Variants in BRWD3 observed in about 807,000 individuals in gnomAD.
The protein encoded by BRWD3 is bromodomain and WD repeat-containing protein 3.
A neutral mutation model predicts 149.7 loss-of-function variants in BRWD3; 10 were observed. The observed-to-expected ratio is 0.07, with a 90% CI of 0.04 to 0.11. BRWD3 has a LOEUF of 0.11. Ranked by LOEUF, BRWD3 falls within the 10% of genes least tolerant of loss-of-function variation. BRWD3 has a pLI of 1.00. For synonymous variants in BRWD3, 504 were observed against 456.7 expected, an observed-to-expected ratio of 1.10 and a Z score of -1.32; for missense variants, 940 against 1,373.2, an observed-to-expected ratio of 0.68 and a Z score of 4.99.
At chrX:80,745,519 C>T in intron 7 of BRWD3, 50 bp downstream of exon 7, 1 of 1,128,835 alleles carries the variant, frequency 8.9e-7, no homozygotes, top group Non-Finnish European at 1.2e-6. Flanking sequence ...AGTCTGGCTT[C>T]AATTGTTGTA....
chrX:80,711,231 G>A (rs2072962609), intron 20 of BRWD3, among the ~76,000 whole-genome samples: 1 of 111,488 alleles, frequency 9.0e-6, no homozygotes, highest in East Asian at 2.8e-4. Context: ...GATTAACATT[G>A]AGGGCTAAAC....
In BRWD3 at chrX:80,745,775, T is replaced by A. The variant is rs1353603438; in HGVS notation, c.431-46A>T. 6.5e-6 allele frequency: 7 copies of A among 1,073,532 alleles called. No homozygotes were observed. In the Admixed American group the frequency reaches 1.7e-4, roughly 27 times the overall value. The allele number at this position is 1,073,532 out of a possible 1,213,427, so 88.5% of individuals were successfully genotyped here. A position where few individuals can be genotyped will look rare whatever the true frequency, so the allele number is the denominator to read the frequency against. ...ACTTAAAACTTAAAAGTGAAACTGA[T>A]TTCATGAAATTAAGTCATAAATATT... is the stretch of plus-strand genomic sequence containing the variant. On this transcript the variant is annotated intron_variant, in intron 6 of 40. Transcript: ENST00000373275.
At chrX:80,698,047 C>T (rs1330825756) in intron 25 of BRWD3, among the ~76,000 whole-genome samples, 2 of 111,908 alleles carry the variant, frequency 1.8e-5, no homozygotes, top group East Asian at 5.6e-4. Context: ...ATTTGCATTT[C>T]CCTAATGATT....
Position 80,809,458 on chromosome X carries a change from G to A in BRWD3, c.14C>T (p.Pro5Leu). 8.5e-7 allele frequency: 1 copy of A among 1,170,299 alleles called. No homozygotes were observed. Among genetic ancestry groups the A allele is most frequent in the East Asian group, 3.1e-5 (1 of 32,051 alleles). The change falls in exon 1 of 41, where the codon CCT (proline) becomes CTT (leucine). Residue 5 changes from proline (P) to leucine (L), a missense_variant. By Grantham distance (98) the Pro-to-Leu change is moderately conservative. This residue lies in a region of BRWD3 where 105 missense variants were observed against 127.7 expected (regional missense o/e 0.82). Transcript: ENST00000373275. Reference sequence around the variant, plus strand: ...CTACCCACCGGCTTCGATCTGGGTAGGTGCTGCCGCCATCCTTTTCCCGAG... The same window carrying A: ...CTACCCACCGGCTTCGATCTGGGTAAGTGCTGCCGCCATCCTTTTCCCGAG... MAAA[P>L]TQIEAELYYL...
intron 20 of BRWD3, among the ~76,000 whole-genome samples, chrX:80,712,906 C>A (rs781440559): frequency 0.022 from 2,044 of 95,023 alleles, 73 homozygotes; most frequent in African/African-American, 0.068. Context: ...GGAGCCCCTC[C>A]GCCCGGCAGC....
At position 80,734,714 on chromosome X, in the gene BRWD3, G is replaced by GA. The variant is rs368052420; in HGVS notation, c.985+412dup. 1.4e-3 allele frequency among the ~76,000 whole-genome samples: 145 copies of GA among 100,787 alleles called. 1 individual carries two copies. The highest frequency in any genetic ancestry group is 4.9e-3 in the Middle Eastern group (1 of 204). 87.5% of individuals were successfully genotyped at this position (100,787 alleles called of 115,157 possible). On this transcript the variant is annotated intron_variant, in intron 10 of 40. Transcript: ENST00000373275. ...TATATTTCACCACAATCAAAAAAAG[G>GA]AAAAAAAAAAAGGTTAACTAATGTA... is the stretch of plus-strand genomic sequence containing the variant.
In BRWD3 at chrX:80,725,173, A is replaced by C. The variant is rs2073199470; in HGVS notation, c.1387-106T>G. 3 of 863,626 alleles carry C rather than the reference A, an allele frequency of 3.5e-6. No homozygotes were observed. The South Asian group carries it at 6.5e-5, about 19-fold the overall frequency. The allele number at this position is 863,626 out of a possible 1,213,427, so 71.2% of individuals were successfully genotyped here. On this transcript the variant is annotated intron_variant, in intron 14 of 40. Transcript: ENST00000373275. ...CAGTTAGGTTCAAATGAATTTATGC[A>C]GAATAATTTAACAGCATTTATGACA... is the stretch of plus-strand genomic sequence containing the variant.
rs1396693170 is a variant in BRWD3 at position 80,673,785 on chromosome X, T to C, written c.*2824A>G. The C allele has an allele frequency of 1.8e-5, 2 of 111,868 alleles. No homozygotes were observed. Among genetic ancestry groups the C allele is most frequent in the Non-Finnish European group, 3.8e-5 (2 of 53,037 alleles). The allele number at this position is 111,868 out of a possible 1,213,427, so 9.2% of individuals were successfully genotyped here. A position where few individuals can be genotyped will look rare whatever the true frequency, so the allele number is the denominator to read the frequency against. ...ATGTATATGCTCTCACGGGCCTAAA[T>C]ATAACAGTGTTTTTTCTTAGCAATT... On this transcript the variant is annotated 3_prime_UTR_variant, in exon 41 of 41. Transcript: ENST00000373275.
chrX:80,725,737 A>G (rs1431177598), intron 14 of BRWD3, among the ~76,000 whole-genome samples: 10 of 110,947 alleles, frequency 9.0e-5, no homozygotes, highest in Middle Eastern at 5.1e-3. Flanking sequence ...TACATGTGTT[A>G]CATGCCTATA....
chrX:80,718,179 A>G (rs1292483848), intron 18 of BRWD3, among the ~76,000 whole-genome samples: 1 of 111,955 alleles, frequency 8.9e-6, no homozygotes, highest in Non-Finnish European at 1.9e-5. Flanking sequence ...CAAAAATGTT[A>G]AGATTCAAAG....
Position 80,728,910 on chromosome X carries a change from A to G in BRWD3, c.1233-5T>C. On this transcript the variant is annotated splice_polypyrimidine_tract_variant and splice_region_variant and intron_variant, in intron 13 of 40. Transcript: ENST00000373275. ...TCTCCAGATGGCAAATTATTGCTAA[A>G]CAAAACAATTTGCAGTATTCATATC... The G allele has an allele frequency of 8.3e-7, 1 of 1,205,345 alleles. No individual in the cohort carries two copies. Among genetic ancestry groups the G allele is most frequent in the Non-Finnish European group, 1.1e-6 (1 of 889,842 alleles).
chrX:80,802,238 C>G (rs2074305180), intron 4 of BRWD3, among the ~76,000 whole-genome samples: 1 of 109,894 alleles, frequency 9.1e-6, no homozygotes. Context: ...GTCAGGAGTT[C>G]AAGACTAGCC....
At chrX:80,801,766 C>T (rs1421389498) in intron 4 of BRWD3, among the ~76,000 whole-genome samples, 3 of 110,607 alleles carry the variant, frequency 2.7e-5, no homozygotes, top group East Asian at 2.9e-4. Flanking sequence ...GGCTTGAGCC[C>T]GGGAAGTGGA....
Position 80,791,943 on chromosome X carries a change from C to T in BRWD3, c.341G>A (p.Ser114Asn). ...SLLRDAKDCKSTLWNGSAFAA... is the reference protein window; with the variant it reads ...SLLRDAKDCKNTLWNGSAFAA... ...AAAAGCAGACCCATTCCATAGTGTA[C>T]TCTTACAGTCTATATAAAAAGAACA... The change falls in exon 6 of 41, where the codon AGT (serine) becomes AAT (asparagine). Residue 114 changes from serine to asparagine, a missense_variant. Physicochemically the swap from Ser to Asn is conservative, Grantham distance 46. Transcript: ENST00000373275. 4 of 1,185,509 alleles carry T rather than the reference C, an allele frequency of 3.4e-6. No homozygotes were observed. Among genetic ancestry groups the T allele is most frequent in the Non-Finnish European group, 4.6e-6 (4 of 874,539 alleles).
At chrX:80,688,738 A>AT (rs2072569130) in intron 33 of BRWD3, among the ~76,000 whole-genome samples, 1 of 111,042 alleles carries the variant, frequency 9.0e-6, no homozygotes, top group Non-Finnish European at 1.9e-5. Context: ...TAAGTTTTCT[A>AT]TTTTAACCCA....
intron 4 of BRWD3, among the ~76,000 whole-genome samples, chrX:80,798,888 C>T (rs2074265957): frequency 8.9e-6 from 1 of 112,008 alleles, no homozygotes; most frequent in East Asian, 2.8e-4. Context: ...ATCAACCTAA[C>T]CCCACACCTT....
intron 14 of BRWD3, among the ~76,000 whole-genome samples, chrX:80,727,784 G>A (rs968159862): frequency 9.0e-5 from 10 of 110,995 alleles, no homozygotes; most frequent in Non-Finnish European, 1.7e-4. Flanking sequence ...ACTTCCTCAG[G>A]AAGTTTTCTC....
At position 80,809,479 on chromosome X, in the gene BRWD3, C is replaced by G. The variant is rs760310598; in HGVS notation, c.-8G>C. On this transcript the variant is annotated 5_prime_UTR_variant, in exon 1 of 41. Transcript: ENST00000373275. The stretch of plus-strand genomic sequence containing the variant: ...GGTAGGTGCTGCCGCCATCCTTTTC[C>G]CGAGGGGGTTTGGGGGCTTCGCTCC... 4.1e-4 allele frequency: 477 copies of G among 1,159,894 alleles called. No homozygotes were observed. The highest frequency in any genetic ancestry group is 5.3e-4 in the Non-Finnish European group (460 of 867,946).
intron 24 of BRWD3, among the ~76,000 whole-genome samples, chrX:80,700,493 T>C (rs907072535): frequency 1.3e-4 from 10 of 77,504 alleles, no homozygotes; most frequent in East Asian, 4.1e-4. Context: ...TCCCAGCACT[T>C]TGGGAGGTTG....
Sources: gnomAD v4.1 joint callset for allele counts (sites outside exome capture counted in the v4.1 genomes callset) on GRCh38, gnomAD v4.1.1 for gene constraint, gnomAD v4.1.1 regional missense constraint, MANE v1.5 for transcripts, NCBI Gene and HGNC (gene_info 2026-07-23, HGNC 2026-07-21) for gene names.